The following DNAH17 variants were observed in gnomAD, a reference collection of about 807,000 sequenced individuals.
DNAH17 encodes the protein axonemal beta dynein heavy chain 17.
A neutral mutation model predicts 485.6 loss-of-function variants in DNAH17; 376 were observed. That is an observed-to-expected ratio of 0.77 (90% confidence interval 0.71 to 0.84). The LOEUF (loss-of-function observed/expected upper bound fraction) is 0.84, where lower values mean the gene tolerates loss of function less well. Ranked by LOEUF, DNAH17 falls within the 40% of genes least tolerant of loss-of-function variation. The pLI is 0.00. For missense variants in DNAH17, 6,370 were observed against 5,839.3 expected (o/e 1.09, Z -2.96); for synonymous variants, 3,031 against 2,405.9 (o/e 1.26, Z -7.60).
At chr17:78,516,738 T>G (rs2090794240) in intron 25 of DNAH17, among the ~76,000 whole-genome samples, 1 of 148,844 alleles carries the variant, frequency 6.7e-6, no homozygotes, top group Non-Finnish European at 1.5e-5. Flanking sequence ...TCAAAATCAG[T>G]TAATTGTTGA....
At chr17:78,524,829 G>A (rs889473163) in intron 25 of DNAH17, among the ~76,000 whole-genome samples, 180 bp downstream of exon 25, 2 of 152,188 alleles carry the variant, frequency 1.3e-5, no homozygotes, top group Non-Finnish European at 2.9e-5. Context: ...AACATATCCT[G>A]CTTTAGCGGA....
chr17:78,532,587 C>A lies in DNAH17; in HGVS notation c.3009G>T (p.Lys1003Asn). The part of the protein sequence containing the change: ...LWTDNLQEFM[K>N]NFLIYGCAVT... ...CTGCACACCCATATATCAGGAAATT[C>A]TTCATAAACTCCTGCAGGTTGTCCG... Residue 1003 changes from lysine to asparagine, a missense_variant, in exon 20 of 81, where the codon AAG becomes AAT. Transcript: ENST00000389840. 6.2e-7 allele frequency: 1 copy of A among 1,608,822 alleles called. No individual in the cohort carries two copies. The highest frequency in any genetic ancestry group is 1.1e-5 in the South Asian group (1 of 89,942).
intron 69 of DNAH17, among the ~76,000 whole-genome samples, chr17:78,446,996 T>G (rs1394614614): frequency 1.3e-5 from 2 of 152,056 alleles, no homozygotes; most frequent in African/African-American, 4.8e-5. Flanking sequence ...TGGAGTGTAG[T>G]GCTGTGATCA....
At chr17:78,467,089 T>TCA (rs1280423665) in intron 55 of DNAH17, among the ~76,000 whole-genome samples, 3 of 152,094 alleles carry the variant, frequency 2.0e-5, no homozygotes. Context: ...AAGGAAGGAA[T>TCA]GGGGAGTGGG....
At chr17:78,432,370 C>T (rs1023437375) in intron 75 of DNAH17, among the ~76,000 whole-genome samples, 3 of 111,256 alleles carry the variant, frequency 2.7e-5, no homozygotes, top group Non-Finnish European at 5.6e-5. Flanking sequence ...GTCCGGCCGG[C>T]ACCCTGCCCC....
chr17:78,486,195 T>A (rs1332025506), intron 45 of DNAH17, 29 bp downstream of exon 45: 10 of 1,589,714 alleles, frequency 6.3e-6, no homozygotes, highest in Non-Finnish European at 7.7e-6. Flanking sequence ...AGACCCTGTG[T>A]GGGTGGCCGG....
In DNAH17 at chr17:78,494,970, G is replaced by A. The variant is rs201375062; in HGVS notation, c.6031C>T (p.Leu2011Phe). 3.2e-4 allele frequency: 515 copies of A among 1,612,834 alleles called. 1 individual carries two copies. The highest frequency in any genetic ancestry group is 2.2e-3 in the East Asian group (97 of 44,868). The change falls in exon 39 of 81, where the codon CTC becomes TTC. Residue 2011 changes from leucine (L) to phenylalanine (F), a missense_variant. Leu to Phe is a conservative substitution (Grantham distance 22). Transcript: ENST00000389840. ...ITLYTLCKELLSKQDHYDWGL... is the reference protein window; with the variant it reads ...ITLYTLCKELFSKQDHYDWGL... ...CAGGACACACACACCTGCTTCGAGA[G>A]CAGCTCCTTGCACAAGGTGTACAGG...
At chr17:78,528,690 G>T (rs1461874472) in intron 22 of DNAH17, among the ~76,000 whole-genome samples, 1 of 152,110 alleles carries the variant, frequency 6.6e-6, no homozygotes, top group African/African-American at 2.4e-5. Flanking sequence ...ACGTGGCTGG[G>T]AGGCAGCTCT....
At chr17:78,551,449 T>C in intron 16 of DNAH17, 86 bp downstream of exon 16, 3 of 1,257,024 alleles carry the variant, frequency 2.4e-6, no homozygotes, top group East Asian at 2.3e-5. Context: ...CGCAGCACTT[T>C]CCATGGGCCT....
At position 78,486,215 on chromosome 17, in the gene DNAH17, G is replaced by T; in HGVS notation, c.7101+9C>A. Reference sequence around the variant, plus strand: ...CTGTGTGGGTGGCCGGGCCCCCCAGGTGCATCACCTGGTCCTGGAACATGG... The same window carrying T: ...CTGTGTGGGTGGCCGGGCCCCCCAGTTGCATCACCTGGTCCTGGAACATGG... On this transcript the variant is annotated intron_variant, in intron 45 of 80. Coordinates refer to ENST00000389840, the MANE Select transcript of DNAH17 (RefSeq NM_173628.4). 6.3e-7 allele frequency: 1 copy of T among 1,587,354 alleles called. No homozygotes were observed. Among genetic ancestry groups the T allele is most frequent in the Non-Finnish European group, 8.6e-7 (1 of 1,164,808 alleles).
At chr17:78,483,380 A>G (rs985736279) in intron 48 of DNAH17, among the ~76,000 whole-genome samples, 1 of 152,226 alleles carries the variant, frequency 6.6e-6, no homozygotes, top group African/African-American at 2.4e-5. Flanking sequence ...CTGTAGTCCC[A>G]GCACTTTGGG....
intron 37 of DNAH17, among the ~76,000 whole-genome samples, chr17:78,498,344 G>A (rs956189829): frequency 6.6e-6 from 1 of 152,078 alleles, no homozygotes; most frequent in Non-Finnish European, 1.5e-5. Context: ...GAGCACAATT[G>A]TCCCAGGCCG....
chr17:78,527,993 G>A (rs559563264), intron 22 of DNAH17, among the ~76,000 whole-genome samples: 40 of 152,002 alleles, frequency 2.6e-4, no homozygotes, highest in African/African-American at 9.2e-4. Context: ...TGCCCAGACT[G>A]GTCTTGAACT....
At chr17:78,425,142 C>T in intron 80 of DNAH17, 2 of 576,656 alleles carry the variant, frequency 3.5e-6, no homozygotes, top group Non-Finnish European at 6.1e-6. Context: ...TCCTCCAGAC[C>T]CTGCACATTC....
chr17:78,514,795 C>T lies in DNAH17; in HGVS notation c.4092G>A (p.Gln1364=). The T allele has an allele frequency of 6.2e-7, 1 of 1,614,012 alleles. No homozygotes were observed. Among genetic ancestry groups the T allele is most frequent in the Non-Finnish European group, 8.5e-7 (1 of 1,179,898 alleles). ...GTACCTGGGTGGCCTGCATGAGCTG[C>T]TGCCAGTGGCGTTCCCGAATGGCAG... ...QNPAIRERHW[Q]QLMQATQVKF... Residue 1364 remains glutamine, a synonymous_variant, in exon 26 of 81, where the codon CAG becomes CAA. Transcript: ENST00000389840.
chr17:78,458,545 T>C lies in DNAH17; in HGVS notation c.9977+20A>G, dbSNP rs1402923795. On this transcript the variant is annotated intron_variant, in intron 62 of 80. Transcript: ENST00000389840. ...AGGGGGTCTGAGAGCAGGAGGGTGGTCTCGGGGAGGAGCTGATACCTGTTC... is the reference window on the plus strand; with the variant it reads ...AGGGGGTCTGAGAGCAGGAGGGTGGCCTCGGGGAGGAGCTGATACCTGTTC... 3 of 1,601,418 alleles carry C rather than the reference T, an allele frequency of 1.9e-6. No homozygotes were observed. The highest frequency in any genetic ancestry group is 3.3e-5 in the Admixed American group (2 of 59,984).
intron 26 of DNAH17, among the ~76,000 whole-genome samples, chr17:78,514,513 A>AG (rs1426940010): frequency 9.1e-6 from 1 of 109,680 alleles, no homozygotes; most frequent in Non-Finnish European, 2.3e-5. Flanking sequence ...CAAAAAAAAA[A>AG]AAAAAAAAAG....
rs989721552 is a variant in DNAH17, at chr17:78,505,176, G to T, written c.4956+117C>A. On this transcript the variant is annotated intron_variant, in intron 31 of 80. Coordinates refer to ENST00000389840, the MANE Select transcript of DNAH17 (RefSeq NM_173628.4). ...AGAGGGAGAGGAGAGGAGCAGGGGCGGGCTGGCAGCTGCACAGGGTGCTGG... is the reference window on the plus strand; with the variant it reads ...AGAGGGAGAGGAGAGGAGCAGGGGCTGGCTGGCAGCTGCACAGGGTGCTGG... The T allele has an allele frequency of 5.2e-6, 7 of 1,344,710 alleles. No individual in the cohort carries two copies. The Admixed American group carries it at 1.3e-4, about 25-fold the overall frequency. The allele number at this position is 1,344,710 out of a possible 1,614,324, so 83.3% of individuals were successfully genotyped here. A position where few individuals can be genotyped will look rare whatever the true frequency, so the allele number is the denominator to read the frequency against.
rs570390272 is a variant in DNAH17, at chr17:78,453,990, G to A, written c.10406+480C>T. Among the ~76,000 whole-genome samples, 28 of 152,122 alleles carry A rather than the reference G, an allele frequency of 1.8e-4. 1 individual carries two copies. The highest frequency in any genetic ancestry group is 6.0e-4 in the African/African-American group (25 of 41,488). ...CCCAGAGTGCTGAGATTACAGGTAC[G>A]AGCCACCACACCCGGGCTGGAAGCA... On this transcript the variant is annotated intron_variant, in intron 64 of 80. Transcript: ENST00000389840.
Sources: allele counts gnomAD v4.1 joint callset (sites outside exome capture counted in the v4.1 genomes callset), GRCh38; gene constraint gnomAD v4.1.1; transcripts MANE v1.5; gene names NCBI Gene and HGNC (gene_info 2026-07-23, HGNC 2026-07-21).